Variants in PCYT2 observed in about 807,000 individuals in gnomAD.
PCYT2 encodes ethanolamine-phosphate cytidylyltransferase.
PCYT2 carries 33 observed loss-of-function variants against 50.0 expected under a neutral mutation model. That is an observed-to-expected ratio of 0.66 (90% CI 0.50 to 0.88). The LOEUF is 0.88. Among genes scored for constraint, PCYT2 ranks in the 40% least tolerant of loss-of-function variants. The pLI, the probability that PCYT2 is intolerant of heterozygous loss-of-function variation, is 0.00. For synonymous variants in PCYT2, 240 were observed against 203.7 expected (o/e 1.18, Z -1.52); for missense variants, 430 against 519.7 (o/e 0.83, Z 1.68).
intron 3 of PCYT2, 102 bp from the exon 4 acceptor site, chr17:81,908,736 G>A: frequency 3.8e-6 from 5 of 1,312,128 alleles, no homozygotes; most frequent in Non-Finnish European, 5.4e-6. Context: ...GTGTCCGCGT[G>A]CCCATTTCTA....
chr17:81,905,521 C>T, intron 10 of PCYT2, 74 bp from the exon 11 acceptor site: 1 of 1,483,386 alleles, frequency 6.7e-7, no homozygotes. Flanking sequence ...CAGCACAGGC[C>T]CCGGGGGTTG....
At chr17:81,905,975 G>T in intron 9 of PCYT2, 125 bp downstream of exon 9, 1 of 856,624 alleles carries the variant, frequency 1.2e-6, no homozygotes, top group Non-Finnish European at 1.8e-6. Flanking sequence ...CACAGAACTC[G>T]GGGTGCTGGG....
chr17:81,905,985 G>A (rs757626696), intron 9 of PCYT2, 115 bp downstream of exon 9: 114 of 927,288 alleles, frequency 1.2e-4, no homozygotes, highest in Non-Finnish European at 1.8e-4. Flanking sequence ...GGGGTGCTGG[G>A]TGCAGCTCTG....
intron 6 of PCYT2, 110 bp from the exon 7 acceptor site, chr17:81,907,008 G>T: frequency 7.6e-7 from 1 of 1,324,140 alleles, no homozygotes; most frequent in Non-Finnish European, 1.0e-6. Context: ...TTTCCAGCCA[G>T]TCATCTCGGG....
intron 9 of PCYT2, 72 bp downstream of exon 9, chr17:81,906,028 G>T: frequency 1.4e-6 from 2 of 1,381,136 alleles, no homozygotes; most frequent in Non-Finnish European, 1.0e-6. Flanking sequence ...CCTGGCTCAG[G>T]GAGGCCCTTA....
At chr17:81,906,065 C>T (rs1335598478) in intron 9 of PCYT2, 35 bp downstream of exon 9, 2 of 1,569,516 alleles carry the variant, frequency 1.3e-6, no homozygotes, top group Middle Eastern at 1.7e-4. Flanking sequence ...GGGAATGTCT[C>T]CCCATCCTTG....
At position 81,905,667 on chromosome 17, in the gene PCYT2, C is replaced by T. The variant is rs2040222770; in HGVS notation, c.903+3G>A. On this transcript the variant is annotated splice_donor_region_variant and intron_variant, in intron 10 of 12. Coordinates refer to ENST00000538936, the MANE Select transcript of PCYT2 (RefSeq NM_002861.5). ...AACGAGGTGAGCCCATGCGGAGCCT[C>T]ACCTTGAAGTGACTTAGGAGCTCTG... The T allele has an allele frequency of 6.2e-7, 1 of 1,613,118 alleles. No individual in the cohort carries two copies.
intron 12 of PCYT2, 52 bp from the exon 13 acceptor site, chr17:81,904,996 G>C: frequency 6.3e-7 from 1 of 1,587,254 alleles, no homozygotes; most frequent in South Asian, 1.1e-5. Context: ...CGGCTCCGAG[G>C]GGGAGGGCAC....
rs139109597 is a variant in PCYT2, at chr17:81,909,572, G to A, written c.120C>T (p.Asn40=). 3.0e-3 allele frequency: 4,896 copies of A among 1,613,782 alleles called. 13 individuals are homozygous for A. Among genetic ancestry groups the A allele is most frequent in the Middle Eastern group, 0.019 (115 of 6,062 alleles). The change falls in exon 2 of 13, where the codon AAC becomes AAT. Residue 40 remains asparagine, a synonymous_variant. Transcript: ENST00000538936. ...CCATGGCCCGTGCCTGGCGCAGCTG[G>A]TTGGAGTGGCCGTAATGCACCATGT... ...CYDMVHYGHS[N]QLRQARAMGD... is the part of the protein sequence containing the mutation.
intron 8 of PCYT2, 51 bp from the exon 9 acceptor site, chr17:81,906,228 G>T: frequency 6.8e-7 from 1 of 1,468,338 alleles, no homozygotes; most frequent in South Asian, 1.2e-5. Flanking sequence ...GGGGGGACAG[G>T]GTGTGCCCCT....
At chr17:81,905,848 A>C in intron 9 of PCYT2, 113 bp from the exon 10 acceptor site, 1 of 1,148,022 alleles carries the variant, frequency 8.7e-7, no homozygotes, top group Non-Finnish European at 1.3e-6. Context: ...AGTGAGTAGC[A>C]GGGATGGGCT....
At chr17:81,905,829 G>C (rs567944893) in intron 9 of PCYT2, 94 bp from the exon 10 acceptor site, 12 of 1,305,156 alleles carry the variant, frequency 9.2e-6, no homozygotes, top group South Asian at 3.5e-5. Context: ...GACATGGGGC[G>C]GGGCTGCCAG....
intron 1 of PCYT2, among the ~76,000 whole-genome samples, 196 bp from the exon 2 acceptor site, chr17:81,909,798 G>A (rs973524210): frequency 3.3e-5 from 5 of 152,190 alleles, no homozygotes; most frequent in Non-Finnish European, 5.9e-5. Context: ...TGGGCCTGAC[G>A]GTGGGACCCC....
rs775894503 is a variant in PCYT2 at position 81,906,556 on chromosome 17, G to A, written c.677-10C>T. On this transcript the variant is annotated splice_polypyrimidine_tract_variant and intron_variant, in intron 7 of 12. Transcript: ENST00000538936. ...TCCACATGCCCGATGTCTGCACCCA[G>A]GTTAAGAAGCAGTCGGGATGGGGAT... 3 of 1,613,032 alleles carry A rather than the reference G, an allele frequency of 1.9e-6. No homozygotes were observed. Among genetic ancestry groups the A allele is most frequent in the Admixed American group, 1.7e-5 (1 of 60,022 alleles).
At position 81,904,940 on chromosome 17, in the gene PCYT2, C is replaced by T. The variant is rs759061730; in HGVS notation, c.1063G>A (p.Glu355Lys). ...TTCTTCTGGTTTCGCGCCTCATACT[C>T]CAACCTGAGAGGGCAGGGTAAGTCT... ...IVQRIITNRL[E>K]YEARNQKKEA... Residue 355 changes from glutamate to lysine, a missense_variant, in exon 13 of 13, where the codon GAG becomes AAG. Physicochemically the swap from Glu to Lys is moderately conservative, Grantham distance 56. This residue lies in a region of PCYT2 where 248 missense variants were observed against 300.2 expected (regional missense o/e 0.83). Transcript: ENST00000538936. 5 of 1,608,596 alleles carry T rather than the reference C, an allele frequency of 3.1e-6. No homozygotes were observed. The Admixed American group carries it at 5.0e-5, about 16-fold the overall frequency.
chr17:81,909,572 G>C lies in PCYT2; in HGVS notation c.120C>G (p.Asn40Lys), dbSNP rs139109597. The stretch of plus-strand genomic sequence containing the variant: ...CCATGGCCCGTGCCTGGCGCAGCTG[G>C]TTGGAGTGGCCGTAATGCACCATGT... Reference protein sequence around the residue: ...CYDMVHYGHSNQLRQARAMGD... With the variant: ...CYDMVHYGHSKQLRQARAMGD... The change falls in exon 2 of 13, where the codon AAC becomes AAG. Residue 40 changes from asparagine to lysine, a missense_variant. By Grantham distance (94) the Asn-to-Lys change is moderately conservative (BLOSUM62 0). This residue lies in a region of PCYT2 where 117 missense variants were observed against 163.9 expected (regional missense o/e 0.71). Coordinates refer to ENST00000538936, the MANE Select transcript of PCYT2 (RefSeq NM_002861.5). 6.2e-7 allele frequency: 1 copy of C among 1,613,806 alleles called. No homozygotes were observed. Among genetic ancestry groups the C allele is most frequent in the East Asian group, 2.2e-5 (1 of 44,880 alleles).
rs186436647 is a variant in PCYT2 at position 81,901,263 on chromosome 17, C to T, written c.*3570G>A. 1 of 152,332 alleles carries T rather than the reference C, an allele frequency of 6.6e-6. No individual in the cohort carries two copies. The highest frequency in any genetic ancestry group is 1.9e-4 in the East Asian group (1 of 5,184). The allele number at this position is 152,332 out of a possible 1,614,324, so 9.4% of individuals were successfully genotyped here. ...TCAGCCAGTCTAGTCTTTCCACGTT[C>T]CTCTGCCTGCTTGTATCCTGGCTGT... On this transcript the variant is annotated 3_prime_UTR_variant, in exon 13 of 13. Transcript: ENST00000538936.
intron 1 of PCYT2, among the ~76,000 whole-genome samples, chr17:81,910,375 GCA>G (rs1261884298): frequency 2.6e-5 from 4 of 152,226 alleles, no homozygotes; most frequent in African/African-American, 2.4e-5. Context: ...CCCACACAGT[GCA>G]CAGAGTTGCT....
chr17:81,908,974 T>TG lies in PCYT2; in HGVS notation c.241dup (p.Gln81ProfsTer28). 6.2e-7 allele frequency: 1 copy of TG among 1,614,052 alleles called. No homozygotes were observed. The highest frequency in any genetic ancestry group is 8.5e-7 in the Non-Finnish European group (1 of 1,179,988). On this transcript the variant is annotated frameshift_variant, in exon 3 of 13. Coordinates refer to ENST00000538936, the MANE Select transcript of PCYT2 (RefSeq NM_002861.5). LOFTEE classifies it high-confidence loss of function. ...CACCTCGTCCACCCATTTGATGGCC[T>TG]GCACCATCTTGTATCTCTCCTCCTG...
Sources: gnomAD v4.1 joint callset for allele counts (sites outside exome capture counted in the v4.1 genomes callset) on GRCh38, gnomAD v4.1.1 for gene constraint, gnomAD v4.1.1 regional missense constraint, MANE v1.5 for transcripts, NCBI Gene and HGNC (gene_info 2026-07-23, HGNC 2026-07-21) for gene names.